Variants in C19orf44 observed in about 807,000 individuals in gnomAD.
The protein encoded by C19orf44 is chromosome 19 open reading frame 44.
Under a neutral mutation model 50.7 loss-of-function variants are expected in C19orf44, and 43 were observed. That is an observed-to-expected ratio of 0.85 (90% CI 0.66 to 1.09). The LOEUF is 1.09. Ranked by LOEUF, C19orf44 falls within the 50% of genes least tolerant of loss-of-function variation. The pLI is 0.00. For missense variants in C19orf44, 722 were observed against 836.2 expected (o/e 0.86, Z 1.68); for synonymous variants, 298 against 334.7 (o/e 0.89, Z 1.20).
At position 16,514,601 on chromosome 19, in the gene C19orf44, T is replaced by TAGGG; in HGVS notation, c.1840_1841insAGGG (p.Ser614Ter). 1 of 1,603,938 alleles carries TAGGG rather than the reference T, an allele frequency of 6.2e-7. No individual in the cohort carries two copies. The highest frequency in any genetic ancestry group is 8.5e-7 in the Non-Finnish European group (1 of 1,176,468). On this transcript the variant is annotated stop_gained and frameshift_variant, in exon 7 of 9. Transcript: ENST00000221671. LOFTEE classifies it high-confidence loss of function. The stretch of plus-strand genomic sequence containing the variant: ...CCAGGCCAGCCGGCACCTGCACGCC[T>TAGGG]CCCTCCTGCGCTCCCTGGACGCGGA...
rs780304931 is a variant in C19orf44, at chr19:16,514,569, A to G, written c.1808A>G (p.Gln603Arg). Residue 603 changes from glutamine (Q) to arginine (R), a missense_variant, in exon 7 of 9, where the codon CAG becomes CGG. Gln to Arg is a conservative substitution (Grantham distance 43, BLOSUM62 1). Coordinates refer to ENST00000221671, the MANE Select transcript of C19orf44 (RefSeq NM_032207.4). Reference sequence around the variant, plus strand: ...AAGCAGCAGCTGAGCCTGACGCAGCAGTTCATCCAGGCCAGCCGGCACCTG... The same window carrying G: ...AAGCAGCAGCTGAGCCTGACGCAGCGGTTCATCCAGGCCAGCCGGCACCTG... ...VLKQQLSLTQ[Q>R]FIQASRHLHA... 8 of 1,610,990 alleles carry G rather than the reference A, an allele frequency of 5.0e-6. No individual in the cohort carries two copies. Among genetic ancestry groups the G allele is most frequent in the Non-Finnish European group, 6.8e-6 (8 of 1,179,398 alleles).
rs955184958 is a variant in C19orf44 at position 16,519,460 on chromosome 19, G to A, written c.*41-634G>A. 5.3e-6 allele frequency: 7 copies of A among 1,332,804 alleles called. No homozygotes were observed. The South Asian group carries it at 7.8e-5, about 15-fold the overall frequency. 82.6% of individuals were successfully genotyped at this position (1,332,804 alleles called of 1,614,324 possible). A position where few individuals can be genotyped will look rare whatever the true frequency, so the allele number is the denominator to read the frequency against. On this transcript the variant is annotated intron_variant, in intron 8 of 8. Transcript: ENST00000221671. The surrounding 1 kb of genome is among the most constrained non-coding windows in gnomAD (Gnocchi z 6.0). ...AGTGTAGACATGGGAAATGGGTAGAGAGAACCCGCAGGCCGGCCCTGTCTA... is the reference window on the plus strand; with the variant it reads ...AGTGTAGACATGGGAAATGGGTAGAAAGAACCCGCAGGCCGGCCCTGTCTA...
In C19orf44 at chr19:16,520,289, TCAG is replaced by T. The variant is rs765831082; in HGVS notation, c.*244_*246del. ...TTCTGCAGGGAAGGGTGCCCAAGGG[TCAG>T]CAGCAGCCAGGCGTCGTGGGGAGGC... is the stretch of plus-strand genomic sequence containing the variant. On this transcript the variant is annotated 3_prime_UTR_variant, in exon 9 of 9. Coordinates refer to ENST00000221671, the MANE Select transcript of C19orf44 (RefSeq NM_032207.4). This position sits in a 1 kb window ranked among gnomAD's most constrained non-coding sequence, Gnocchi z 4.0. 6.2e-7 allele frequency: 1 copy of T among 1,612,408 alleles called. No individual in the cohort carries two copies. Among genetic ancestry groups the T allele is most frequent in the Admixed American group, 1.7e-5 (1 of 59,916 alleles).
intron 6 of C19orf44, among the ~76,000 whole-genome samples, 190 bp from the exon 7 acceptor site, chr19:16,514,307 C>G (rs1423215753): frequency 6.6e-6 from 1 of 151,788 alleles, no homozygotes; most frequent in Non-Finnish European, 1.5e-5. Flanking sequence ...TTGCTTAAAC[C>G]CAGGAGTTCG....
At chr19:16,514,230 A>G (rs1263477703) in intron 6 of C19orf44, among the ~76,000 whole-genome samples, 4 of 149,326 alleles carry the variant, frequency 2.7e-5, no homozygotes, top group Non-Finnish European at 5.9e-5. Flanking sequence ...CTGATCTCGA[A>G]CTCCTGATCT....
At chr19:16,518,691 CAG>C (rs2085572956) in intron 8 of C19orf44, 3 of 167,468 alleles carry the variant, frequency 1.8e-5, no homozygotes, top group Non-Finnish European at 3.8e-5. Context: ...TGTCCCTACA[CAG>C]CCGAGGGGAA....
In C19orf44 at chr19:16,500,818, G is replaced by A. The variant is rs762331456; in HGVS notation, c.26G>A (p.Arg9His). The A allele has an allele frequency of 1.8e-5, 29 of 1,589,886 alleles. No homozygotes were observed. Among genetic ancestry groups the A allele is most frequent in the South Asian group, 2.3e-5 (2 of 87,314 alleles). MASARKASRPMRDVFGDFS... is the reference protein window; with the variant it reads MASARKASHPMRDVFGDFS... ...ATGGCTTCTGCAAGGAAAGCCAGCC[G>A]TCCCATGCGTGATGTTTTTGGTGAC... Residue 9 changes from arginine to histidine, a missense_variant, in exon 2 of 9, where the codon CGT becomes CAT. Arg to His is a conservative substitution (Grantham distance 29, BLOSUM62 0). Coordinates refer to ENST00000221671, the MANE Select transcript of C19orf44 (RefSeq NM_032207.4).
chr19:16,512,929 A>G (rs1483520343), intron 5 of C19orf44, 85 bp from the exon 6 acceptor site: 1 of 1,049,910 alleles, frequency 9.5e-7, no homozygotes, highest in African/African-American at 1.6e-5. Context: ...AAGGTCACGT[A>G]GTTTATTCCA....
At position 16,517,141 on chromosome 19, in the gene C19orf44, G is replaced by A. The variant is rs909936131; in HGVS notation, c.1903-89G>A. ...ACTGACAGGAGCCTGCTGGGGACAG[G>A]TGCTGGCTCCACTCCCTCCTCCAGC... On this transcript the variant is annotated intron_variant, in intron 7 of 8. Transcript: ENST00000221671. 8 of 1,235,014 alleles carry A rather than the reference G, an allele frequency of 6.5e-6. No homozygotes were observed. In the African/African-American group the frequency reaches 7.4e-5, roughly 11 times the overall value. The allele number at this position is 1,235,014 out of a possible 1,614,324, so 76.5% of individuals were successfully genotyped here.
In C19orf44 at chr19:16,506,722, C is replaced by T. The variant is rs201618251; in HGVS notation, c.1097C>T (p.Ser366Leu). 7.1e-5 allele frequency: 114 copies of T among 1,602,266 alleles called. No homozygotes were observed. The highest frequency in any genetic ancestry group is 3.1e-4 in the Admixed American group (18 of 58,840). ...ACAGAGTTTAGAATAAATATTTTAT[C>T]GCTTGACGGTCTGGCTCCAGCTGTC... ...SLDEFRINIL[S>L]LDGLAPAVSE... is the part of the protein sequence containing the mutation. The change falls in exon 4 of 9, where the codon TCG becomes TTG. Residue 366 changes from serine to leucine, a missense_variant. Coordinates refer to ENST00000221671, the MANE Select transcript of C19orf44 (RefSeq NM_032207.4).
intron 7 of C19orf44, among the ~76,000 whole-genome samples, chr19:16,516,070 T>G (rs1402092442): frequency 6.6e-6 from 1 of 152,188 alleles, no homozygotes. Context: ...AGTGCTGGGA[T>G]TATAGGCGTG....
At chr19:16,510,066 C>G (rs750562390) in intron 5 of C19orf44, 78 bp downstream of exon 5, 2 of 1,601,112 alleles carry the variant, frequency 1.2e-6, no homozygotes, top group South Asian at 1.1e-5. Flanking sequence ...CTGGGAGACA[C>G]GTGGGAGAGC....
chr19:16,510,099 C>T (rs1260802586), intron 5 of C19orf44, 111 bp downstream of exon 5: 3 of 1,539,154 alleles, frequency 1.9e-6, no homozygotes, highest in Non-Finnish European at 2.7e-6. Flanking sequence ...GATTTGGGCT[C>T]TTGTTATTAA....
rs377450443 is a variant in C19orf44, at chr19:16,500,779, T to C, written c.-1-13T>C. ...AGGTACTCTTATGCAAAATTGCTCC[T>C]CTTCCTCCACAGAATGGCTTCTGCA... On this transcript the variant is annotated splice_polypyrimidine_tract_variant and intron_variant, in intron 1 of 8. Transcript: ENST00000221671. 8.7e-5 allele frequency: 135 copies of C among 1,549,786 alleles called. No individual in the cohort carries two copies. Among genetic ancestry groups the C allele is most frequent in the Non-Finnish European group, 1.1e-4 (122 of 1,151,946 alleles).
chr19:16,516,519 T>C (rs771012652), intron 7 of C19orf44, among the ~76,000 whole-genome samples: 1 of 152,222 alleles, frequency 6.6e-6, no homozygotes, highest in Non-Finnish European at 1.5e-5. Flanking sequence ...GTGTGTTTTG[T>C]TCCGATTTGG....
At chr19:16,516,422 A>C (rs545517675) in intron 7 of C19orf44, among the ~76,000 whole-genome samples, 1 of 152,204 alleles carries the variant, frequency 6.6e-6, no homozygotes, top group Admixed American at 6.5e-5. Context: ...TCAAACAAAC[A>C]ACCATAATGC....
At chr19:16,515,016 C>T (rs922037012) in intron 7 of C19orf44, among the ~76,000 whole-genome samples, 3 of 152,212 alleles carry the variant, frequency 2.0e-5, no homozygotes, top group East Asian at 1.9e-4. Context: ...GGGCCAGAGG[C>T]GGCCCAGCTG....
Position 16,516,656 on chromosome 19 carries a change from C to T in C19orf44, c.1903-574C>T, listed in dbSNP as rs1377100849. 4.6e-5 allele frequency among the ~76,000 whole-genome samples: 7 copies of T among 152,178 alleles called. No individual in the cohort carries two copies. In the South Asian group the frequency reaches 1.0e-3, roughly 22 times the overall value. On this transcript the variant is annotated intron_variant, in intron 7 of 8. Coordinates refer to ENST00000221671, the MANE Select transcript of C19orf44 (RefSeq NM_032207.4). The stretch of plus-strand genomic sequence containing the variant: ...AGCCCTGTGAAAGCGATGCTGGGCC[C>T]GCAAGCAGGCGGGGTGGGCCTGGAG...
intron 1 of C19orf44, among the ~76,000 whole-genome samples, chr19:16,500,170 C>T (rs2093420978): frequency 6.6e-6 from 1 of 152,106 alleles, no homozygotes; most frequent in South Asian, 2.1e-4. Flanking sequence ...CTCAGGTGAT[C>T]TGCTTGCCTT....
Sources: gnomAD v4.1 joint callset for allele counts (sites outside exome capture counted in the v4.1 genomes callset) on GRCh38, gnomAD v4.1.1 for gene constraint, Gnocchi (gnomAD v3.1) non-coding constraint, MANE v1.5 for transcripts, NCBI Gene and HGNC (gene_info 2026-07-23, HGNC 2026-07-21) for gene names.